Variants in SLC2A13 observed in about 807,000 individuals in gnomAD.
SLC2A13 encodes solute carrier family 2 member 13.
SLC2A13 carries 32 observed loss-of-function variants against 64.4 expected under a neutral mutation model. The observed-to-expected ratio is 0.50, with a 90% CI of 0.37 to 0.67. SLC2A13 has a LOEUF of 0.67. SLC2A13 is among the 30% of genes least tolerant of loss of function. SLC2A13 has a pLI of 0.00. For synonymous variants in SLC2A13, 338 were observed against 327.1 expected, an observed-to-expected ratio of 1.03 and a Z score of -0.36; for missense variants, 743 against 829.2, an observed-to-expected ratio of 0.90 and a Z score of 1.28.
At chr12:40,017,198 C>G (rs1947634900) in intron 3 of SLC2A13, among the ~76,000 whole-genome samples, 1 of 152,204 alleles carries the variant, frequency 6.6e-6, no homozygotes, top group Non-Finnish European at 1.5e-5. Context: ...TTATGAAGTG[C>G]CTTGCTAACG....
At chr12:39,801,998 T>A (rs1415403906) in intron 7 of SLC2A13, among the ~76,000 whole-genome samples, 3 of 152,086 alleles carry the variant, frequency 2.0e-5, no homozygotes, top group African/African-American at 7.2e-5. Context: ...AGCCAATGAA[T>A]AAGTAAGCAA....
At chr12:39,809,284 C>T (rs947238777) in intron 7 of SLC2A13, among the ~76,000 whole-genome samples, 6 of 152,130 alleles carry the variant, frequency 3.9e-5, no homozygotes, top group African/African-American at 1.4e-4. Context: ...GTCTATTTTA[C>T]CAACATCACA....
intron 4 of SLC2A13, among the ~76,000 whole-genome samples, chr12:39,880,146 C>T (rs958988339): frequency 1.3e-5 from 2 of 152,174 alleles, no homozygotes; most frequent in Non-Finnish European, 2.9e-5. Flanking sequence ...TCCCCAGAAG[C>T]TGGGCAGATG....
At chr12:40,070,719 T>C (rs1383559595) in intron 1 of SLC2A13, among the ~76,000 whole-genome samples, 1 of 152,200 alleles carries the variant, frequency 6.6e-6, no homozygotes, top group Non-Finnish European at 1.5e-5. Context: ...TCTCAATCTC[T>C]ATTCAAAATG....
At chr12:39,905,267 A>T (rs1046691159) in intron 4 of SLC2A13, among the ~76,000 whole-genome samples, 4 of 152,106 alleles carry the variant, frequency 2.6e-5, no homozygotes, top group African/African-American at 9.7e-5. Flanking sequence ...CCCTGCATTC[A>T]TCATCTCTGT....
chr12:39,777,328 T>TA (rs1331104802), intron 7 of SLC2A13, among the ~76,000 whole-genome samples: 1 of 152,194 alleles, frequency 6.6e-6, no homozygotes, highest in East Asian at 1.9e-4. Flanking sequence ...ACTCCAGAGT[T>TA]ATGATAAATA....
At chr12:39,820,262 G>T (rs897047324) in intron 7 of SLC2A13, among the ~76,000 whole-genome samples, 1 of 152,098 alleles carries the variant, frequency 6.6e-6, no homozygotes, top group African/African-American at 2.4e-5. Flanking sequence ...CCTAACAGAG[G>T]GCAAGTGAAG....
chr12:39,855,665 T>C (rs1943589368), intron 6 of SLC2A13, among the ~76,000 whole-genome samples: 1 of 152,224 alleles, frequency 6.6e-6, no homozygotes, highest in South Asian at 2.1e-4. Flanking sequence ...TAACTACAAA[T>C]GTGCATAAAT....
At chr12:39,983,928 C>G (rs1353405209) in intron 3 of SLC2A13, among the ~76,000 whole-genome samples, 1 of 148,464 alleles carries the variant, frequency 6.7e-6, no homozygotes, top group Non-Finnish European at 1.5e-5. Context: ...TGGAACCAAC[C>G]CAAATGTCCA....
intron 4 of SLC2A13, among the ~76,000 whole-genome samples, chr12:39,887,779 G>T (rs1165645768): frequency 6.6e-6 from 1 of 152,128 alleles, no homozygotes; most frequent in African/African-American, 2.4e-5. Context: ...GGCAAGGAAG[G>T]AATAGAAGTG....
At chr12:39,865,577 G>A (rs573220950) in intron 5 of SLC2A13, among the ~76,000 whole-genome samples, 1 of 152,228 alleles carries the variant, frequency 6.6e-6, no homozygotes, top group South Asian at 2.1e-4. Context: ...ACATCCTAAT[G>A]GCAAATAAGA....
intron 7 of SLC2A13, among the ~76,000 whole-genome samples, chr12:39,771,731 C>T (rs1010283704): frequency 6.6e-6 from 1 of 152,074 alleles, no homozygotes; most frequent in Non-Finnish European, 1.5e-5. Flanking sequence ...AACTCATATG[C>T]CACCAAGTTA....
intron 1 of SLC2A13, among the ~76,000 whole-genome samples, chr12:40,058,066 TAGA>T (rs1948361038): frequency 6.6e-6 from 1 of 150,546 alleles, no homozygotes; most frequent in Non-Finnish European, 1.5e-5. Flanking sequence ...GATAGATAGA[TAGA>T]TAGATAGATA....
chr12:39,897,646 G>A (rs1286704441), intron 4 of SLC2A13, among the ~76,000 whole-genome samples: 1 of 151,946 alleles, frequency 6.6e-6, no homozygotes, highest in Non-Finnish European at 1.5e-5. Context: ...ATACTGAGAA[G>A]GTGAATTTTT....
chr12:39,905,687 A>G (rs1221734237), intron 4 of SLC2A13, among the ~76,000 whole-genome samples: 1 of 152,070 alleles, frequency 6.6e-6, no homozygotes, highest in African/African-American at 2.4e-5. Flanking sequence ...TTAATATTTT[A>G]AAACATGCTA....
At chr12:39,886,631 A>G (rs929623837) in intron 4 of SLC2A13, among the ~76,000 whole-genome samples, 2 of 152,102 alleles carry the variant, frequency 1.3e-5, no homozygotes, top group Admixed American at 1.3e-4. Context: ...TGAATTGACT[A>G]TATTGTCTTA....
At chr12:40,104,488 T>A (rs1440872015) in intron 1 of SLC2A13, among the ~76,000 whole-genome samples, 1 of 152,108 alleles carries the variant, frequency 6.6e-6, no homozygotes, top group Non-Finnish European at 1.5e-5. Context: ...GGGGAGTAGC[T>A]CCTAAATGAA....
At chr12:39,872,080 T>A (rs547042418) in intron 4 of SLC2A13, 119 bp from the exon 5 acceptor site, 1 of 733,046 alleles carries the variant, frequency 1.4e-6, no homozygotes, top group Non-Finnish European at 2.0e-6. Context: ...AGTAATAACA[T>A]CAAATTAACG....
intron 6 of SLC2A13, among the ~76,000 whole-genome samples, chr12:39,857,436 T>C (rs150140512): frequency 2.0e-5 from 3 of 152,338 alleles, no homozygotes; most frequent in Non-Finnish European, 4.4e-5. Flanking sequence ...TTTTCATCTA[T>C]TATCCAGCTA....
Sources: gnomAD v4.1 joint callset for allele counts (sites outside exome capture counted in the v4.1 genomes callset) on GRCh38, gnomAD v4.1.1 for gene constraint, MANE v1.5 for transcripts, NCBI Gene and HGNC (gene_info 2026-07-23, HGNC 2026-07-21) for gene names.